Variants in PCDH11X observed in about 807,000 individuals in gnomAD.
The protein encoded by PCDH11X is protocadherin-11 X-linked.
In PCDH11X, 18 loss-of-function variants were observed where a neutral mutation model predicts 53.3. The observed-to-expected ratio is 0.34, with a 90% confidence interval of 0.23 to 0.50. The LOEUF is 0.50. Ranked by LOEUF, PCDH11X falls within the 20% of genes least tolerant of loss-of-function variation. The pLI, the probability that PCDH11X is intolerant of heterozygous loss-of-function variation, is 0.98. For synonymous variants in PCDH11X, 279 were observed against 393.3 expected, an observed-to-expected ratio of 0.71 and a Z score of 3.44; for missense variants, 570 against 1,032.4, an observed-to-expected ratio of 0.55 and a Z score of 6.14.
intron 6 of PCDH11X, among the ~76,000 whole-genome samples, chrX:92,084,554 AG>A (rs1227638216): frequency 7.0e-4 from 77 of 110,289 alleles, no homozygotes; most frequent in African/African-American, 2.5e-3. Context: ...AAAAAAAAAA[AG>A]AAATAGTCTA....
chrX:92,306,082 A>G lies in PCDH11X; in HGVS notation c.3144+42939A>G, dbSNP rs1224911883. ...ATACAAAGTATCCTTTTCAATCACAATTGAATGAAACTAGAAATCAACGAT... is the reference window on the plus strand; with the variant it reads ...ATACAAAGTATCCTTTTCAATCACAGTTGAATGAAACTAGAAATCAACGAT... On this transcript the variant is annotated intron_variant, in intron 8 of 10. Transcript: ENST00000682573. Among the ~76,000 whole-genome samples the G allele has an allele frequency of 4.5e-5, 5 of 112,010 alleles. No individual in the cohort carries two copies. The South Asian group carries it at 1.5e-3, about 33-fold the overall frequency.
intron 6 of PCDH11X, among the ~76,000 whole-genome samples, chrX:92,135,014 G>T (rs1483462778): frequency 9.1e-6 from 1 of 110,372 alleles, no homozygotes; most frequent in Non-Finnish European, 1.9e-5. Flanking sequence ...ATTCAAGATG[G>T]AGTTGCTCAG....
intron 6 of PCDH11X, among the ~76,000 whole-genome samples, chrX:92,163,790 C>G (rs1603088557): frequency 9.0e-6 from 1 of 111,323 alleles, no homozygotes; most frequent in African/African-American, 3.3e-5. Context: ...AGCAAAGGTT[C>G]ACGATGCAGG....
chrX:92,070,664 C>T (rs1206181752), intron 6 of PCDH11X, among the ~76,000 whole-genome samples: 1 of 111,453 alleles, frequency 9.0e-6, no homozygotes, highest in African/African-American at 3.3e-5. Flanking sequence ...GTTAAATCTG[C>T]TTGGTATTCT....
At chrX:92,537,250 G>T (rs1602281790) in intron 10 of PCDH11X, among the ~76,000 whole-genome samples, 1 of 102,227 alleles carries the variant, frequency 9.8e-6, no homozygotes. Context: ...TTGTACTTCT[G>T]GAGTATTACT....
intron 7 of PCDH11X, among the ~76,000 whole-genome samples, chrX:92,225,610 G>A (rs1569430411): frequency 9.0e-6 from 1 of 111,308 alleles, no homozygotes; most frequent in Non-Finnish European, 1.9e-5. Context: ...ATTCTTGTTG[G>A]TAAAGGCACT....
At chrX:92,033,424 G>T (rs2063082346) in intron 6 of PCDH11X, among the ~76,000 whole-genome samples, 1 of 101,969 alleles carries the variant, frequency 9.8e-6, no homozygotes, top group Non-Finnish European at 2.0e-5. Flanking sequence ...CTTATTACTT[G>T]TTAGTGGTCT....
chrX:92,168,731 C>T (rs1354920983), intron 6 of PCDH11X, among the ~76,000 whole-genome samples: 1 of 111,190 alleles, frequency 9.0e-6, no homozygotes, highest in Non-Finnish European at 1.9e-5. Context: ...ATCATCTATC[C>T]CAAAATCTCA....
intron 6 of PCDH11X, among the ~76,000 whole-genome samples, chrX:92,126,653 A>T (rs1287901579): frequency 5.5e-5 from 6 of 109,503 alleles, no homozygotes; most frequent in African/African-American, 1.0e-4. Context: ...ATAAATTTTA[A>T]AAAAATCTCT....
In PCDH11X at chrX:92,436,614, C is replaced by T. The variant is rs1603312278; in HGVS notation, c.3344-31685C>T. On this transcript the variant is annotated intron_variant, in intron 9 of 10. Transcript: ENST00000682573. Reference sequence around the variant, plus strand: ...GACAGATTGGATAAAGAAAACGTGGCACACATGAAATATTATGCAGTCATA... The same window carrying T: ...GACAGATTGGATAAAGAAAACGTGGTACACATGAAATATTATGCAGTCATA... 2.7e-5 allele frequency among the ~76,000 whole-genome samples: 3 copies of T among 110,903 alleles called. No homozygotes were observed. In the Admixed American group the frequency reaches 2.9e-4, roughly 11 times the overall value.
intron 6 of PCDH11X, among the ~76,000 whole-genome samples, chrX:91,893,057 C>A (rs2147769659): frequency 9.2e-6 from 1 of 109,236 alleles, no homozygotes; most frequent in Admixed American, 9.9e-5. Flanking sequence ...CCTTCCATAT[C>A]TTTTCAAATC....
chrX:92,275,399 A>G lies in PCDH11X; in HGVS notation c.3144+12256A>G, dbSNP rs925984797. ...GGTAACAGGTGAGGATAAAATTTGG[A>G]CTTGACTGAAGTAATGGGGGCTGTC... On this transcript the variant is annotated intron_variant, in intron 8 of 10. Transcript: ENST00000682573. Among the ~76,000 whole-genome samples, 743 of 109,099 alleles carry G rather than the reference A, an allele frequency of 6.8e-3. 6 individuals carry two copies. Among genetic ancestry groups the G allele is most frequent in the African/African-American group, 0.023 (696 of 29,653 alleles). The allele number at this position is 109,099 out of a possible 115,157, so 94.7% of individuals were successfully genotyped here. A position where few individuals can be genotyped will look rare whatever the true frequency, so the allele number is the denominator to read the frequency against.
At chrX:91,906,868 A>G (rs1484917625) in intron 6 of PCDH11X, among the ~76,000 whole-genome samples, 1 of 111,255 alleles carries the variant, frequency 9.0e-6, no homozygotes, top group East Asian at 2.8e-4. Flanking sequence ...GTGACAAACA[A>G]AATGTTTGTG....
intron 7 of PCDH11X, among the ~76,000 whole-genome samples, chrX:92,225,001 C>A (rs1456446441): frequency 1.8e-5 from 2 of 111,176 alleles, no homozygotes; most frequent in African/African-American, 3.3e-5. Context: ...TTTGATACTG[C>A]TGTTAGTATG....
chrX:91,802,854 G>A (rs1935979936), intron 1 of PCDH11X, among the ~76,000 whole-genome samples: 1 of 111,332 alleles, frequency 9.0e-6, no homozygotes, highest in African/African-American at 3.3e-5. Flanking sequence ...CACATCTGCA[G>A]ATTTGTCCGG....
At chrX:92,441,369 TA>T (rs2072511426) in intron 9 of PCDH11X, among the ~76,000 whole-genome samples, 1 of 111,227 alleles carries the variant, frequency 9.0e-6, no homozygotes, top group African/African-American at 3.3e-5. Flanking sequence ...CAGGAGGCTT[TA>T]TGGCAGCCCC....
intron 6 of PCDH11X, among the ~76,000 whole-genome samples, chrX:92,023,743 GA>G (rs2062926457): frequency 9.7e-6 from 1 of 103,463 alleles, no homozygotes; most frequent in Non-Finnish European, 2.0e-5. Flanking sequence ...TATCTCTGAT[GA>G]ACATCAATGC....
At chrX:91,916,236 C>T (rs1235625262) in intron 6 of PCDH11X, among the ~76,000 whole-genome samples, 1 of 110,951 alleles carries the variant, frequency 9.0e-6, no homozygotes, top group Non-Finnish European at 1.9e-5. Flanking sequence ...TGAAAGAGCA[C>T]AAATAGACGA....
At chrX:92,215,439 C>A (rs1223947625) in intron 7 of PCDH11X, among the ~76,000 whole-genome samples, 1 of 97,356 alleles carries the variant, frequency 1.0e-5, no homozygotes, top group Non-Finnish European at 2.1e-5. Flanking sequence ...CCCACGGAGT[C>A]TCGCTGATTG....
Sources: gnomAD v4.1 joint callset for allele counts (sites outside exome capture counted in the v4.1 genomes callset) on GRCh38, gnomAD v4.1.1 for gene constraint, MANE v1.5 for transcripts, NCBI Gene and HGNC (gene_info 2026-07-23, HGNC 2026-07-21) for gene names.